Variants in STAT3 observed in about 807,000 individuals in gnomAD.
STAT3 encodes the protein DNA-binding protein APRF.
STAT3 carries 7 observed loss-of-function variants against 114.3 expected under a neutral mutation model. That is an observed-to-expected ratio of 0.06 (90% CI 0.03 to 0.11). STAT3 has a LOEUF of 0.11. STAT3 is among the 10% of genes least tolerant of loss of function. The pLI, the probability that STAT3 is intolerant of heterozygous loss-of-function variation, is 1.00. For synonymous variants in STAT3, 331 were observed against 354.5 expected, an observed-to-expected ratio of 0.93 and a Z score of 0.74; for missense variants, 364 against 960.9, an observed-to-expected ratio of 0.38 and a Z score of 8.21.
intron 2 of STAT3, among the ~76,000 whole-genome samples, chr17:42,347,600 CA>C (rs2082757838): frequency 6.6e-6 from 1 of 152,190 alleles, no homozygotes; most frequent in South Asian, 2.1e-4. Context: ...CATCCCTGCC[CA>C]AATCTCATAC....
chr17:42,333,527 A>G lies in STAT3; in HGVS notation c.1049+146T>C. 1.1e-6 allele frequency: 1 copy of G among 877,560 alleles called. No individual in the cohort carries two copies. The highest frequency in any genetic ancestry group is 1.8e-6 in the Non-Finnish European group (1 of 545,968). 54.4% of individuals were successfully genotyped at this position (877,560 alleles called of 1,614,324 possible). ...CATCAGAATCAGAGAGCAAGCAGAT[A>G]GTATGGCAACAAATTTCAACCCCGC... On this transcript the variant is annotated intron_variant, in intron 10 of 23. Coordinates refer to ENST00000264657, the MANE Select transcript of STAT3 (RefSeq NM_139276.3). This position sits in a 1 kb window ranked among gnomAD's most constrained non-coding sequence, Gnocchi z 5.2.
chr17:42,362,109 C>A (rs1255841774), intron 1 of STAT3, among the ~76,000 whole-genome samples: 1 of 152,148 alleles, frequency 6.6e-6, no homozygotes, highest in Non-Finnish European at 1.5e-5. Context: ...AATGTCATGG[C>A]AGGAGTGCCA....
intron 15 of STAT3, among the ~76,000 whole-genome samples, chr17:42,325,900 T>C (rs1010547563): frequency 1.3e-5 from 2 of 152,250 alleles, no homozygotes; most frequent in Admixed American, 6.5e-5. Context: ...TCAAGTTTGC[T>C]GAAAGCTGAA....
chr17:42,386,681 C>T (rs1019780607), intron 1 of STAT3, among the ~76,000 whole-genome samples: 1 of 152,128 alleles, frequency 6.6e-6, no homozygotes, highest in Non-Finnish European at 1.5e-5. Flanking sequence ...GAGGTGTGCA[C>T]CACCATGCCT....
Position 42,326,151 on chromosome 17 carries a change from C to T in STAT3, c.1330G>A (p.Glu444Lys), listed in dbSNP as rs1288968449. The T allele has an allele frequency of 2.5e-6, 4 of 1,613,970 alleles. No individual in the cohort carries two copies. Among genetic ancestry groups the T allele is most frequent in the Non-Finnish European group, 2.5e-6 (3 of 1,179,914 alleles). ...EELHLITFET[E>K]VYHQGLKIDL... ...ATCTTGAGGCCTTGGTGATACACCT[C>T]GGTCTCAAAGGTGATCAGGTGCAGC... The change falls in exon 15 of 24, where the codon GAG becomes AAG. Residue 444 changes from glutamate (E) to lysine (K), a missense_variant. By Grantham distance (56) the Glu-to-Lys change is moderately conservative. Transcript: ENST00000264657.
intron 1 of STAT3, among the ~76,000 whole-genome samples, chr17:42,349,555 T>A (rs1246720831): frequency 6.6e-6 from 1 of 152,158 alleles, no homozygotes; most frequent in Non-Finnish European, 1.5e-5. Flanking sequence ...ATTCTCCTAC[T>A]CAACAAATAA....
Position 42,333,784 on chromosome 17 carries a change from G to C in STAT3, c.957-19C>G, listed in dbSNP as rs2082119557. On this transcript the variant is annotated intron_variant, in intron 9 of 23. Coordinates refer to ENST00000264657, the MANE Select transcript of STAT3 (RefSeq NM_139276.3). This position sits in a 1 kb window ranked among gnomAD's most constrained non-coding sequence, Gnocchi z 5.2. Reference sequence around the variant, plus strand: ...AAAGGCACTGAGGAAAGAGAAGATGGGCTCACGCGCCACGGCCATGACCAG... The same window carrying C: ...AAAGGCACTGAGGAAAGAGAAGATGCGCTCACGCGCCACGGCCATGACCAG... 1 of 1,614,160 alleles carries C rather than the reference G, an allele frequency of 6.2e-7. No individual in the cohort carries two copies. Among genetic ancestry groups the C allele is most frequent in the South Asian group, 1.1e-5 (1 of 91,068 alleles).
chr17:42,334,704 C>T (rs2082161176), intron 8 of STAT3, among the ~76,000 whole-genome samples: 2 of 152,114 alleles, frequency 1.3e-5, no homozygotes, highest in African/African-American at 2.4e-5. Context: ...CTCGACCTCC[C>T]GAAGTACTGG....
At chr17:42,356,539 A>ATATT (rs1267896370) in intron 1 of STAT3, among the ~76,000 whole-genome samples, 6 of 142,980 alleles carry the variant, frequency 4.2e-5, no homozygotes, top group African/African-American at 1.3e-4. Flanking sequence ...ATATATATAT[A>ATATT]TTTTTTTTTT....
At chr17:42,383,501 C>A (rs1457375183) in intron 1 of STAT3, among the ~76,000 whole-genome samples, 2 of 152,098 alleles carry the variant, frequency 1.3e-5, no homozygotes, top group African/African-American at 4.8e-5. Context: ...CTGCTCCTGG[C>A]CCGATATGCT....
intron 15 of STAT3, 137 bp from the exon 16 acceptor site, chr17:42,325,198 A>G: frequency 1.3e-6 from 1 of 758,142 alleles, no homozygotes; most frequent in Non-Finnish European, 2.2e-6. Flanking sequence ...CTAGGCGAGG[A>G]GTGTGAGTGA....
chr17:42,375,114 C>T (rs575577190), intron 1 of STAT3, among the ~76,000 whole-genome samples: 2 of 152,216 alleles, frequency 1.3e-5, no homozygotes, highest in South Asian at 4.1e-4. Context: ...CATAAAATAT[C>T]CTTAATATTC....
intron 1 of STAT3, among the ~76,000 whole-genome samples, chr17:42,369,695 G>A (rs761873832): frequency 3.3e-4 from 50 of 152,092 alleles, no homozygotes; most frequent in Non-Finnish European, 5.9e-4. Flanking sequence ...CTGTGGCCCA[G>A]GCTGGAGTGC....
intron 4 of STAT3, among the ~76,000 whole-genome samples, chr17:42,345,125 T>G (rs1276673505): frequency 6.6e-6 from 1 of 151,462 alleles, no homozygotes; most frequent in Non-Finnish European, 1.5e-5. Flanking sequence ...ATTAGCTGGG[T>G]GTGGTGGCAC....
At position 42,313,379 on chromosome 17, in the gene STAT3, CAAAA is replaced by C. The variant is rs397857989; in HGVS notation, c.*2362_*2365del. The C allele has an allele frequency of 3.2e-3, 277 of 85,926 alleles. No individual in the cohort carries two copies. The highest frequency in any genetic ancestry group is 0.017 in the Middle Eastern group (4 of 238). 5.3% of individuals were successfully genotyped at this position (85,926 alleles called of 1,614,324 possible). A position where few individuals can be genotyped will look rare whatever the true frequency, so the allele number is the denominator to read the frequency against. On this transcript the variant is annotated 3_prime_UTR_variant, in exon 24 of 24. Coordinates refer to ENST00000264657, the MANE Select transcript of STAT3 (RefSeq NM_139276.3). ...AGTTAAAGTAGATACAGCAATATAC[CAAAA>C]AAAAAAAAAAAAAAAAAAGACAAAA...
intron 4 of STAT3, among the ~76,000 whole-genome samples, chr17:42,341,832 T>A (rs2082454256): frequency 6.6e-6 from 1 of 151,924 alleles, no homozygotes. Context: ...AGATAATGCA[T>A]AAATAAATGA....
chr17:42,370,761 C>T (rs2084075992), intron 1 of STAT3, among the ~76,000 whole-genome samples: 1 of 150,946 alleles, frequency 6.6e-6, no homozygotes, highest in Non-Finnish European at 1.5e-5. Flanking sequence ...CACCACAACA[C>T]CCAGCTAATT....
At chr17:42,354,223 G>T (rs1299653819) in intron 1 of STAT3, among the ~76,000 whole-genome samples, 1 of 134,656 alleles carries the variant, frequency 7.4e-6, no homozygotes, top group Admixed American at 8.1e-5. Context: ...GGGCTGGTGT[G>T]CAGTGGGGCG....
At chr17:42,350,533 T>G (rs943645682) in intron 1 of STAT3, among the ~76,000 whole-genome samples, 1 of 152,110 alleles carries the variant, frequency 6.6e-6, no homozygotes, top group Non-Finnish European at 1.5e-5. Flanking sequence ...GCAATCCTCC[T>G]GCCTCAACCT....
Sources: allele counts gnomAD v4.1 joint callset (sites outside exome capture counted in the v4.1 genomes callset), GRCh38; gene constraint gnomAD v4.1.1; non-coding constraint Gnocchi (gnomAD v3.1); transcripts MANE v1.5; gene names NCBI Gene and HGNC (gene_info 2026-07-23, HGNC 2026-07-21).